Variants in PECAM1 observed in about 807,000 individuals in gnomAD.
The protein encoded by PECAM1 is platelet and endothelial cell adhesion molecule 1.
In PECAM1, 8 loss-of-function variants were observed where a neutral mutation model predicts 13.8. That is an observed-to-expected ratio of 0.58 (90% CI 0.34 to 1.05). The LOEUF is 1.05. Ranked by LOEUF, PECAM1 falls within the 50% of genes least tolerant of loss-of-function variation. PECAM1 has a pLI of 0.03. For synonymous variants in PECAM1, 136 were observed against 52.6 expected, an observed-to-expected ratio of 2.58 and a Z score of -6.86; for missense variants, 304 against 141.2, an observed-to-expected ratio of 2.15 and a Z score of -5.84.
intron 4 of PECAM1, 190 bp from the exon 5 acceptor site, chr17:64,370,215 G>A: frequency 2.6e-6 from 1 of 382,240 alleles, no homozygotes; most frequent in Non-Finnish European, 4.6e-6. Flanking sequence ...GCTCACTCTT[G>A]CATCTTCAGG....
intron 14 of PECAM1, among the ~76,000 whole-genome samples, chr17:64,340,139 G>A (rs1214208907): frequency 6.6e-6 from 1 of 152,084 alleles, no homozygotes; most frequent in Non-Finnish European, 1.5e-5. Context: ...GTGACAGAGT[G>A]AGACTCTGTT....
intron 2 of PECAM1, among the ~76,000 whole-genome samples, chr17:64,388,191 G>A (rs1403286406): frequency 6.6e-6 from 1 of 152,136 alleles, no homozygotes; most frequent in Admixed American, 6.6e-5. Flanking sequence ...GGTGTGGAGG[G>A]GGAGAGGGGA....
At chr17:64,346,032 G>T (rs1454821943) in intron 13 of PECAM1, among the ~76,000 whole-genome samples, 2 of 152,216 alleles carry the variant, frequency 1.3e-5, no homozygotes, top group African/African-American at 2.4e-5. Flanking sequence ...GGACCCCATT[G>T]CCATGTGGTC....
At chr17:64,372,801 C>T (rs1255178719) in intron 4 of PECAM1, among the ~76,000 whole-genome samples, 1 of 151,608 alleles carries the variant, frequency 6.6e-6, no homozygotes, top group Non-Finnish European at 1.5e-5. Flanking sequence ...CCATGCCTGG[C>T]CTCATGCTGA....
chr17:64,380,545 GC>G (rs2143890045), intron 2 of PECAM1, among the ~76,000 whole-genome samples: 1 of 152,238 alleles, frequency 6.6e-6, no homozygotes, highest in East Asian at 1.9e-4. Context: ...TGCTTTCTTA[GC>G]CCCCCATCTA....
At chr17:64,338,748 G>A (rs1020754793) in intron 14 of PECAM1, among the ~76,000 whole-genome samples, 3 of 151,814 alleles carry the variant, frequency 2.0e-5, no homozygotes, top group Non-Finnish European at 4.4e-5. Context: ...TAGTAGAGAC[G>A]GGGTTTCACC....
At chr17:64,325,724 G>A (rs1333709200) in intron 15 of PECAM1, among the ~76,000 whole-genome samples, 5 of 152,146 alleles carry the variant, frequency 3.3e-5, no homozygotes, top group Non-Finnish European at 1.5e-5. Context: ...GTGATAGAGT[G>A]AGACTTCATC....
chr17:64,350,465 C>T (rs1009668334), intron 11 of PECAM1, 32 bp from the exon 12 acceptor site: 4 of 420,068 alleles, frequency 9.5e-6, no homozygotes, highest in Admixed American at 4.2e-5. Flanking sequence ...GGGTGAGTGA[C>T]AAGGGAAATT....
In PECAM1 at chr17:64,333,900, C is replaced by T. The variant is rs967451484; in HGVS notation, c.2165-4178G>A. Among the ~76,000 whole-genome samples the T allele has an allele frequency of 1.1e-4, 16 of 142,040 alleles. 1 individual carries two copies. The highest frequency in any genetic ancestry group is 1.0e-3 in the East Asian group (5 of 4,832). The allele number at this position is 142,040 out of a possible 152,430, so 93.2% of individuals were successfully genotyped here. A position where few individuals can be genotyped will look rare whatever the true frequency, so the allele number is the denominator to read the frequency against. ...TGGAGGTTGCAGTGAGCCAAGATTG[C>T]GCCACTGCACTCCAGCCTGGGTGAC... is the stretch of plus-strand genomic sequence containing the variant. On this transcript the variant is annotated intron_variant, in intron 14 of 15. Transcript: ENST00000563924.
intron 14 of PECAM1, among the ~76,000 whole-genome samples, chr17:64,330,939 A>G (rs6504218): frequency 0.55 from 83,728 of 152,010 alleles, 23,142 homozygotes; most frequent in East Asian, 0.69. Context: ...AAATGGATGT[A>G]CAACTATTGA....
intron 14 of PECAM1, among the ~76,000 whole-genome samples, chr17:64,333,557 C>T (rs894999829): frequency 5.1e-4 from 77 of 152,104 alleles, no homozygotes; most frequent in East Asian, 3.3e-3. Flanking sequence ...CTGTTCACCA[C>T]GCTATGACAA....
chr17:64,323,003 G>A lies in PECAM1; in HGVS notation c.*813C>T, dbSNP rs775405685. 25 of 978,536 alleles carry A rather than the reference G, an allele frequency of 2.6e-5. No individual in the cohort carries two copies. Among genetic ancestry groups the A allele is most frequent in the African/African-American group, 5.3e-5 (3 of 57,106 alleles). 60.6% of individuals were successfully genotyped at this position (978,536 alleles called of 1,614,324 possible). On this transcript the variant is annotated 3_prime_UTR_variant, in exon 16 of 16. Transcript: ENST00000563924. ...ATTACAGGCGTGAGCCACCTTGCCT[G>A]CCCTGGCAAGGAATACATTTTTAAA...
At chr17:64,353,681 T>G (rs2035783650) in intron 9 of PECAM1, among the ~76,000 whole-genome samples, 163 bp from the exon 10 acceptor site, 2 of 152,114 alleles carry the variant, frequency 1.3e-5, no homozygotes, top group African/African-American at 4.8e-5. Context: ...AACACTCTTT[T>G]CAGCTACGTT....
Position 64,340,270 on chromosome 17 carries a change from C to T in PECAM1, c.2164+1364G>A, listed in dbSNP as rs1321915961. On this transcript the variant is annotated intron_variant, in intron 14 of 15. Coordinates refer to ENST00000563924, the MANE Select transcript of PECAM1 (RefSeq NM_000442.5). The stretch of plus-strand genomic sequence containing the variant: ...TAGTTTTGTGGGTCTGGGCTGGGCC[C>T]GAGATTGCTGCTGCTGGTTTGCCGA... Among the ~76,000 whole-genome samples the T allele has an allele frequency of 6.6e-5, 10 of 152,200 alleles. No individual in the cohort carries two copies. The East Asian group carries it at 1.2e-3, about 18-fold the overall frequency.
At chr17:64,354,657 G>A (rs1309557825) in intron 9 of PECAM1, among the ~76,000 whole-genome samples, 1 of 152,148 alleles carries the variant, frequency 6.6e-6, no homozygotes, top group Non-Finnish European at 1.5e-5. Flanking sequence ...CAACATGTGG[G>A]TGTTATGCGC....
intron 3 of PECAM1, among the ~76,000 whole-genome samples, chr17:64,375,559 C>T (rs1208953009): frequency 1.3e-5 from 2 of 152,054 alleles, no homozygotes; most frequent in Admixed American, 1.3e-4. Flanking sequence ...GTACTAGGCA[C>T]TTTGAAATAT....
intron 13 of PECAM1, among the ~76,000 whole-genome samples, chr17:64,344,733 G>A (rs1447793717): frequency 6.6e-6 from 1 of 152,106 alleles, no homozygotes; most frequent in Non-Finnish European, 1.5e-5. Context: ...AGGCAGAGAG[G>A]GAACACCTGA....
At chr17:64,354,702 T>C (rs1598024483) in intron 9 of PECAM1, among the ~76,000 whole-genome samples, 4 of 152,212 alleles carry the variant, frequency 2.6e-5, no homozygotes, top group African/African-American at 9.6e-5. Flanking sequence ...TGCACCCCAC[T>C]CTACACGCAT....
chr17:64,336,705 C>A lies in PECAM1; in HGVS notation c.2164+4929G>T, dbSNP rs968600553. On this transcript the variant is annotated intron_variant, in intron 14 of 15. Transcript: ENST00000563924. The stretch of plus-strand genomic sequence containing the variant: ...TTGGGCAATAGCCTGGGCAACATGG[C>A]GAATTAGCTGGGCATGGTGGTGCGT... Among the ~76,000 whole-genome samples, 9 of 151,854 alleles carry A rather than the reference C, an allele frequency of 5.9e-5. No individual in the cohort carries two copies. In the South Asian group the frequency reaches 6.2e-4, roughly 11 times the overall value.
Sources: allele counts gnomAD v4.1 joint callset (sites outside exome capture counted in the v4.1 genomes callset), GRCh38; gene constraint gnomAD v4.1.1; transcripts MANE v1.5; gene names NCBI Gene and HGNC (gene_info 2026-07-23, HGNC 2026-07-21).